Variants in HMGB1 observed in about 807,000 individuals in gnomAD.
HMGB1 encodes the protein high mobility group box 1.
For synonymous variants in HMGB1, 81 were observed against 84.0 expected (o/e 0.96, Z 0.19); for missense variants, 79 against 253.5 (o/e 0.31, Z 4.67).
intron 1 of HMGB1, among the ~76,000 whole-genome samples, chr13:30,599,298 G>A (rs776911400): frequency 8.4e-4 from 128 of 152,122 alleles, no homozygotes; most frequent in Non-Finnish European, 1.4e-3. Flanking sequence ...GAGAAACCCC[G>A]TCTCTACTAA....
chr13:30,581,291 T>C (rs190773220), intron 1 of HMGB1, among the ~76,000 whole-genome samples: 1 of 152,342 alleles, frequency 6.6e-6, no homozygotes, highest in Non-Finnish European at 1.5e-5. Context: ...ATTCCATAAA[T>C]AGCACTTTTC....
At chr13:30,509,332 G>A (rs927606407) in intron 1 of HMGB1, among the ~76,000 whole-genome samples, 1 of 151,562 alleles carries the variant, frequency 6.6e-6, no homozygotes, top group Non-Finnish European at 1.5e-5. Context: ...TCTGCCTCCT[G>A]GGTTCATATG....
At position 30,504,010 on chromosome 13, in the gene HMGB1, G is replaced by GA. The variant is rs564485919; in HGVS notation, c.-14-40317dup. On this transcript the variant is annotated intron_variant, in intron 1 of 4. Coordinates refer to the HMGB1 transcript ENST00000405805. ...TTTTGGTGTTTTGGGAGCACCCATG[G>GA]AAAAAATCACCATTTTTTTTTTTAA... Among the ~76,000 whole-genome samples, 247 of 95,628 alleles carry GA rather than the reference G, an allele frequency of 2.6e-3. 1 individual carries two copies. Among genetic ancestry groups the GA allele is most frequent in the African/African-American group, 6.2e-3 (222 of 36,036 alleles). 62.7% of individuals were successfully genotyped at this position (95,628 alleles called of 152,430 possible). A position where few individuals can be genotyped will look rare whatever the true frequency, so the allele number is the denominator to read the frequency against.
At chr13:30,614,871 G>GTA (rs1332736589) in intron 1 of HMGB1, among the ~76,000 whole-genome samples, 2 of 142,540 alleles carry the variant, frequency 1.4e-5, no homozygotes, top group Non-Finnish European at 3.1e-5. Context: ...GTTAATTTTT[G>GTA]TATTTTTTTT....
intron 1 of HMGB1, among the ~76,000 whole-genome samples, chr13:30,563,125 A>G (rs1419765408): frequency 1.3e-5 from 2 of 152,234 alleles, no homozygotes; most frequent in African/African-American, 2.4e-5. Context: ...TCTAAGGCCA[A>G]TTACTCAGGC....
intron 1 of HMGB1, among the ~76,000 whole-genome samples, chr13:30,615,554 A>T (rs1950552475): frequency 6.6e-6 from 1 of 152,228 alleles, no homozygotes; most frequent in Non-Finnish European, 1.5e-5. Context: ...GCCAAGCTTA[A>T]GAAGTTTTTG....
intron 1 of HMGB1, among the ~76,000 whole-genome samples, chr13:30,499,708 T>C (rs1887692076): frequency 6.6e-6 from 1 of 152,232 alleles, no homozygotes; most frequent in South Asian, 2.1e-4. Flanking sequence ...CTTGGACTTC[T>C]TAGGATCTTA....
In HMGB1 at chr13:30,465,856, T is replaced by C. The variant is rs1044326266; in HGVS notation, c.-75A>G. On this transcript the variant is annotated 5_prime_UTR_variant, in exon 1 of 5. Coordinates refer to ENST00000341423, the MANE Select transcript of HMGB1 (RefSeq NM_002128.7). ...GGCTCTCACTTGCCCCGGTGCTGTC[T>C]CTATGGAGCTCAATGTACTGCAATG... The C allele has an allele frequency of 6.1e-6, 6 of 985,740 alleles. No individual in the cohort carries two copies. In the African/African-American group the frequency reaches 8.7e-5, roughly 14 times the overall value. The allele number at this position is 985,740 out of a possible 1,614,324, so 61.1% of individuals were successfully genotyped here. A position where few individuals can be genotyped will look rare whatever the true frequency, so the allele number is the denominator to read the frequency against.
chr13:30,498,626 AATTATTATTATT>A (rs71192659), intron 1 of HMGB1, among the ~76,000 whole-genome samples: 245 of 143,962 alleles, frequency 1.7e-3, no homozygotes, highest in African/African-American at 3.4e-3. Context: ...GGAATCAGCA[AATTATTATTATT>A]ATTATTATTA....
chr13:30,464,789 A>G (rs1013030064), intron 1 of HMGB1: 157 of 82,968 alleles, frequency 1.9e-3, no homozygotes, highest in South Asian at 8.1e-3. Context: ...GTGTGTGTGT[A>G]TGAGAGAGTG....
chr13:30,582,458 G>A (rs1244770263), intron 1 of HMGB1, among the ~76,000 whole-genome samples: 1 of 152,036 alleles, frequency 6.6e-6, no homozygotes, highest in Non-Finnish European at 1.5e-5. Flanking sequence ...CTGACACGGT[G>A]AAACCCCGTC....
In HMGB1 at chr13:30,552,154, A is replaced by G. The variant is rs1457113808; in HGVS notation, c.-15+64517T>C. 7.8e-4 allele frequency among the ~76,000 whole-genome samples: 118 copies of G among 152,210 alleles called. 1 individual carries two copies. The highest frequency in any genetic ancestry group is 7.7e-3 in the Admixed American group (118 of 15,268). ...GAAAATTTAAAAAAGTTGTAAGATTAGTGCAATAAACACACACATATCCTT... is the reference window on the plus strand; with the variant it reads ...GAAAATTTAAAAAAGTTGTAAGATTGGTGCAATAAACACACACATATCCTT... On this transcript the variant is annotated intron_variant, in intron 1 of 4. Transcript: ENST00000405805.
chr13:30,597,361 G>T (rs564536127), intron 1 of HMGB1, among the ~76,000 whole-genome samples: 98 of 152,348 alleles, frequency 6.4e-4, no homozygotes, highest in African/African-American at 2.1e-3. Context: ...GTTAGGAAGA[G>T]TCATGGGACA....
At chr13:30,500,536 ATTT>A (rs60691018) in intron 1 of HMGB1, among the ~76,000 whole-genome samples, 1,919 of 128,304 alleles carry the variant, frequency 0.015, 23 homozygotes, top group African/African-American at 0.043. Flanking sequence ...CACCTGGCTA[ATTT>A]TTTTTTTTTT....
intron 1 of HMGB1, among the ~76,000 whole-genome samples, chr13:30,514,862 C>T (rs776517170): frequency 3.3e-5 from 5 of 152,256 alleles, no homozygotes; most frequent in African/African-American, 9.6e-5. Context: ...TTGTGGTAGG[C>T]GGAACTCTAA....
At chr13:30,554,169 G>A (rs1051908004) in intron 1 of HMGB1, 3 of 1,380,652 alleles carry the variant, frequency 2.2e-6, no homozygotes, top group African/African-American at 2.9e-5. Flanking sequence ...ATCAATAGTG[G>A]TGAAACCAGA....
At chr13:30,534,137 C>T (rs151202224) in intron 1 of HMGB1, among the ~76,000 whole-genome samples, 156 of 152,212 alleles carry the variant, frequency 1.0e-3, no homozygotes, top group African/African-American at 3.0e-3. Context: ...GGATTATATG[C>T]GTGAGCCACC....
chr13:30,509,256 T>TTTTTTTTTTTTTTTG (rs1331855852), intron 1 of HMGB1, among the ~76,000 whole-genome samples: 1 of 151,862 alleles, frequency 6.6e-6, no homozygotes, highest in Non-Finnish European at 1.5e-5. Flanking sequence ...CTTTTTTTTT[T>TTTTTTTTTTTTTTTG]GAGATGGAAT....
At chr13:30,471,497 G>T (rs2137419822) in intron 1 of HMGB1, among the ~76,000 whole-genome samples, 1 of 148,558 alleles carries the variant, frequency 6.7e-6, no homozygotes, top group African/African-American at 2.5e-5. Flanking sequence ...ATAGGCATGG[G>T]CCACCACACC....
Sources: allele counts gnomAD v4.1 joint callset (sites outside exome capture counted in the v4.1 genomes callset), GRCh38; gene constraint gnomAD v4.1.1; transcripts MANE v1.5; gene names NCBI Gene and HGNC (gene_info 2026-07-23, HGNC 2026-07-21).